The following EIF4E3 variants were observed in gnomAD, a reference collection of about 807,000 sequenced individuals.
EIF4E3 encodes eukaryotic translation initiation factor 4E family member 3.
EIF4E3 carries 26 observed loss-of-function variants against 31.7 expected under a neutral mutation model. The observed-to-expected ratio is 0.82, with a 90% confidence interval of 0.60 to 1.14. The LOEUF (loss-of-function observed/expected upper bound fraction) is 1.14, where lower values mean the gene tolerates loss of function less well. Ranked by LOEUF, EIF4E3 falls within the 50% of genes most tolerant of loss-of-function variation. The pLI, the probability that EIF4E3 is intolerant of heterozygous loss-of-function variation, is 0.00. For missense variants in EIF4E3, 304 were observed against 270.9 expected (o/e 1.12, Z -0.86); for synonymous variants, 128 against 107.7 (o/e 1.19, Z -1.17).
the EIF4E3 span, among the ~76,000 whole-genome samples, chr3:71,662,068 C>A: frequency 6.6e-6 from 1 of 152,302 alleles, no homozygotes; most frequent in South Asian, 2.1e-4. Context: ...TAAATGTTAT[C>A]ATTAATCATA....
chr3:71,684,300 G>C lies in EIF4E3; in HGVS notation c.*382C>G, dbSNP rs1335524870. ...TGCATATTCTCATTAACTAGGTACA[G>C]CAGAGCTACTTAAAGGGAAACCCAT... is the stretch of plus-strand genomic sequence containing the variant. On this transcript the variant is annotated 3_prime_UTR_variant, in exon 7 of 7. Coordinates refer to ENST00000425534, the MANE Select transcript of EIF4E3 (RefSeq NM_001134651.2). 9.8e-6 allele frequency: 2 copies of C among 203,740 alleles called. No individual in the cohort carries two copies. Among genetic ancestry groups the C allele is most frequent in the Non-Finnish European group, 2.0e-5 (2 of 98,586 alleles). 12.6% of individuals were successfully genotyped at this position (203,740 alleles called of 1,614,324 possible).
At position 71,679,678 on chromosome 3, in the gene EIF4E3, CTTATTTGAT is replaced by C. The variant is rs1201763105; in HGVS notation, c.*4995_*5003del. The C allele has an allele frequency of 6.6e-6, 1 of 152,038 alleles. No homozygotes were observed. Among genetic ancestry groups the C allele is most frequent in the Non-Finnish European group, 1.5e-5 (1 of 67,984 alleles). 9.4% of individuals were successfully genotyped at this position (152,038 alleles called of 1,614,324 possible). The stretch of plus-strand genomic sequence containing the variant: ...TATCACTCACATCGTTTAGGGAATA[CTTATTTGAT>C]TTTTTTGACATTTCTATGTATTAAA... On this transcript the variant is annotated 3_prime_UTR_variant, in exon 7 of 7. Transcript: ENST00000425534.
chr3:71,661,876 A>G, the EIF4E3 span, among the ~76,000 whole-genome samples: 1 of 152,304 alleles, frequency 6.6e-6, no homozygotes, highest in Non-Finnish European at 1.5e-5. Context: ...AAGTATACAG[A>G]AAGTGGTTAA....
At chr3:71,693,790 A>G in intron 5 of EIF4E3, 85 bp downstream of exon 5, 1 of 1,247,008 alleles carries the variant, frequency 8.0e-7, no homozygotes, top group Non-Finnish European at 1.1e-6. Flanking sequence ...AAAAAGTCAA[A>G]CACGTGATAA....
rs73837563 is a variant in EIF4E3 at position 71,707,772 on chromosome 3, A to C, written c.249+2640T>G. ...TGATCTACTTCCCCTGCAAGAATCAACTTTGGCCCCCACTGAGAATGTGCA... is the reference window on the plus strand; with the variant it reads ...TGATCTACTTCCCCTGCAAGAATCACCTTTGGCCCCCACTGAGAATGTGCA... On this transcript the variant is annotated intron_variant, in intron 2 of 6. Transcript: ENST00000425534. 6.0e-3 allele frequency among the ~76,000 whole-genome samples: 919 copies of C among 152,218 alleles called. 9 individuals carry two copies. Among genetic ancestry groups the C allele is most frequent in the African/African-American group, 0.021 (881 of 41,524 alleles).
chr3:71,674,772 C>G (rs551224433), downstream of EIF4E3, among the ~76,000 whole-genome samples: 2 of 152,310 alleles, frequency 1.3e-5, no homozygotes, highest in South Asian at 4.1e-4. Flanking sequence ...GTACCATTTA[C>G]TAACTCTTTA....
chr3:71,726,821 C>A (rs1253685051), upstream of EIF4E3, among the ~76,000 whole-genome samples: 1 of 152,184 alleles, frequency 6.6e-6, no homozygotes. Context: ...TAAAATCTGT[C>A]CAACACTAAA....
At chr3:71,687,237 G>A (rs1398582067) in intron 6 of EIF4E3, among the ~76,000 whole-genome samples, 2 of 152,032 alleles carry the variant, frequency 1.3e-5, no homozygotes, top group African/African-American at 4.8e-5. Flanking sequence ...CCTGACCTCA[G>A]ATGATCTGCC....
rs548475430 is a variant in EIF4E3, at chr3:71,740,201, T to C, written c.-290-11578A>G. On this transcript the variant is annotated intron_variant, in intron 1 of 7. Coordinates refer to the EIF4E3 transcript ENST00000295612. ...GGAAGCAAAGAGCAGTTAAGACAAA[T>C]AGAAAACAAAAAGCAAGATGACAGA... Among the ~76,000 whole-genome samples, 7 of 152,082 alleles carry C rather than the reference T, an allele frequency of 4.6e-5. No individual in the cohort carries two copies. In the East Asian group the frequency reaches 1.4e-3, roughly 29 times the overall value.
downstream of EIF4E3, among the ~76,000 whole-genome samples, chr3:71,674,471 C>T (rs704287): frequency 6.6e-6 from 1 of 151,870 alleles, no homozygotes; most frequent in Non-Finnish European, 1.5e-5. Context: ...AAGTTCATTT[C>T]GGTTTTAAGT....
chr3:71,707,554 A>G (rs1255134586), intron 2 of EIF4E3, among the ~76,000 whole-genome samples: 1 of 152,184 alleles, frequency 6.6e-6, no homozygotes, highest in African/African-American at 2.4e-5. Flanking sequence ...GAGACAGCTG[A>G]GACAGAAAGG....
chr3:71,739,441 A>T (rs1206289836), intron 1 of EIF4E3, among the ~76,000 whole-genome samples: 1 of 152,186 alleles, frequency 6.6e-6, no homozygotes, highest in Non-Finnish European at 1.5e-5. Flanking sequence ...CATGCTTGTA[A>T]TCCCAGTACT....
At chr3:71,754,514 C>G, upstream of EIF4E3, 1 of 1,300,166 alleles carries the variant, frequency 7.7e-7, no homozygotes, top group Non-Finnish European at 9.7e-7. The surrounding 1 kb of genome is among the most constrained non-coding windows in gnomAD (Gnocchi z 5.8). Flanking sequence ...TGGCCGCGGC[C>G]TTCCCGCCAG....
At chr3:71,725,530 A>C (rs1218204449), upstream of EIF4E3, among the ~76,000 whole-genome samples, 1 of 144,634 alleles carries the variant, frequency 6.9e-6, no homozygotes, top group Non-Finnish European at 1.5e-5. This position sits in a 1 kb window ranked among gnomAD's most constrained non-coding sequence, Gnocchi z 6.1. Flanking sequence ...AGGGCCTGGG[A>C]GCCGCGCGGA....
chr3:71,673,930 TA>T (rs36017704), downstream of EIF4E3, among the ~76,000 whole-genome samples: 41 of 126,754 alleles, frequency 3.2e-4, no homozygotes, highest in South Asian at 1.0e-2. Context: ...TATATATATA[TA>T]AAAAACATAA....
intron 1 of EIF4E3, among the ~76,000 whole-genome samples, chr3:71,746,158 C>CA (rs1371835347): frequency 6.6e-6 from 1 of 152,194 alleles, no homozygotes; most frequent in Non-Finnish European, 1.5e-5. Context: ...TTGGTCCAGA[C>CA]AGACTGGAAT....
At chr3:71,738,364 A>G (rs1253196056) in intron 1 of EIF4E3, among the ~76,000 whole-genome samples, 1 of 152,222 alleles carries the variant, frequency 6.6e-6, no homozygotes, top group African/African-American at 2.4e-5. Flanking sequence ...AATAACAAGC[A>G]AATACACAAC....
At chr3:71,714,271 AAAGAAG>A (rs1274516948) in intron 1 of EIF4E3, among the ~76,000 whole-genome samples, 7 of 118,808 alleles carry the variant, frequency 5.9e-5, no homozygotes, top group Admixed American at 4.7e-4. Context: ...GGAAGGAAGG[AAAGAAG>A]GAAGGAAGGA....
At chr3:71,729,350 T>C (rs2049677820), upstream of EIF4E3, among the ~76,000 whole-genome samples, 1 of 152,210 alleles carries the variant, frequency 6.6e-6, no homozygotes, top group African/African-American at 2.4e-5. Flanking sequence ...GCTAGTGACA[T>C]TCCCTCCATT....
Sources: gnomAD v4.1 joint callset for allele counts (sites outside exome capture counted in the v4.1 genomes callset) on GRCh38, gnomAD v4.1.1 for gene constraint, Gnocchi (gnomAD v3.1) non-coding constraint, MANE v1.5 for transcripts, NCBI Gene and HGNC (gene_info 2026-07-23, HGNC 2026-07-21) for gene names.